ENTHD1: variants seen among roughly 807,000 people sequenced by gnomAD.
The protein encoded by ENTHD1 is ENTH domain containing 1.
Under a neutral mutation model 39.1 loss-of-function variants are expected in ENTHD1, and 23 were observed. The ratio of observed to expected loss-of-function variants is 0.59; its 90% CI spans 0.42 to 0.83. The LOEUF is 0.83. Among genes scored for constraint, ENTHD1 ranks in the 40% least tolerant of loss-of-function variants. The pLI is 0.00. For synonymous variants in ENTHD1, 230 were observed against 258.2 expected, an observed-to-expected ratio of 0.89 and a Z score of 1.05; for missense variants, 624 against 705.4, an observed-to-expected ratio of 0.88 and a Z score of 1.31.
At chr22:39,794,190 A>C (rs2065528041) in intron 5 of ENTHD1, among the ~76,000 whole-genome samples, 1 of 151,868 alleles carries the variant, frequency 6.6e-6, no homozygotes, top group Non-Finnish European at 1.5e-5. Flanking sequence ...TGGTTAAAAT[A>C]CTCCTAGGTA....
At chr22:39,768,241 G>C (rs1054572295) in intron 5 of ENTHD1, among the ~76,000 whole-genome samples, 1 of 152,036 alleles carries the variant, frequency 6.6e-6, no homozygotes, top group African/African-American at 2.4e-5. Context: ...TTCAAAAATT[G>C]CCTCTTGTGT....
intron 1 of ENTHD1, 111 bp downstream of exon 1, chr22:39,893,584 C>G (rs2066447074): frequency 6.6e-6 from 1 of 152,402 alleles, no homozygotes; most frequent in African/African-American, 2.4e-5. Flanking sequence ...GCCGCCCTCC[C>G]GCCCCCACCT....
intron 5 of ENTHD1, among the ~76,000 whole-genome samples, chr22:39,786,864 C>G (rs955338334): frequency 6.6e-6 from 1 of 152,190 alleles, no homozygotes; most frequent in African/African-American, 2.4e-5. Flanking sequence ...TCACAAATGA[C>G]AGGATTTTTT....
intron 5 of ENTHD1, among the ~76,000 whole-genome samples, chr22:39,776,172 C>A (rs774095318): frequency 6.6e-6 from 1 of 152,204 alleles, no homozygotes; most frequent in East Asian, 1.9e-4. Context: ...GGATTACTGG[C>A]ATGAGCCACC....
chr22:39,785,428 C>T (rs2065447807), intron 5 of ENTHD1, among the ~76,000 whole-genome samples: 1 of 152,238 alleles, frequency 6.6e-6, no homozygotes. Flanking sequence ...CTTTGATCTG[C>T]TTTGATCTTC....
chr22:39,744,842 C>T (rs1452876570), intron 6 of ENTHD1, among the ~76,000 whole-genome samples: 1 of 152,086 alleles, frequency 6.6e-6, no homozygotes, highest in South Asian at 2.1e-4. Flanking sequence ...CTTTAGCACA[C>T]GTATATAATC....
intron 3 of ENTHD1, among the ~76,000 whole-genome samples, chr22:39,849,969 T>C (rs963176022): frequency 6.6e-6 from 1 of 152,194 alleles, no homozygotes; most frequent in Non-Finnish European, 1.5e-5. Flanking sequence ...CTAAAAGAAA[T>C]AGTCCCACAT....
intron 2 of ENTHD1, among the ~76,000 whole-genome samples, chr22:39,871,420 A>C (rs1325690407): frequency 6.6e-6 from 1 of 152,184 alleles, no homozygotes; most frequent in Non-Finnish European, 1.5e-5. Context: ...CATTTTACCA[A>C]AGAGAAAAGT....
At chr22:39,829,315 C>G (rs2065848982) in intron 4 of ENTHD1, among the ~76,000 whole-genome samples, 1 of 145,932 alleles carries the variant, frequency 6.9e-6, no homozygotes, top group South Asian at 2.2e-4. Flanking sequence ...TAATGTAGAT[C>G]AATAACACTG....
chr22:39,834,212 G>GA (rs1169546903), intron 4 of ENTHD1, among the ~76,000 whole-genome samples: 3 of 151,998 alleles, frequency 2.0e-5, no homozygotes, highest in Non-Finnish European at 4.4e-5. Flanking sequence ...CAAACGGAGA[G>GA]AAAATATACA....
At chr22:39,824,799 C>T (rs2146656314) in intron 4 of ENTHD1, among the ~76,000 whole-genome samples, 1 of 152,326 alleles carries the variant, frequency 6.6e-6, no homozygotes, top group East Asian at 1.9e-4. Context: ...CAATACCGCA[C>T]TCTCTTGATT....
At chr22:39,800,645 C>T (rs2065591480) in intron 5 of ENTHD1, among the ~76,000 whole-genome samples, 1 of 152,222 alleles carries the variant, frequency 6.6e-6, no homozygotes, top group Admixed American at 6.5e-5. Flanking sequence ...TAGCATTTGC[C>T]TTCAGGCAAA....
intron 2 of ENTHD1, among the ~76,000 whole-genome samples, chr22:39,869,902 A>AT (rs1016673061): frequency 7.2e-5 from 11 of 152,004 alleles, no homozygotes; most frequent in Admixed American, 5.9e-4. Context: ...AGTCATTGAG[A>AT]TTTTTTTAAA....
chr22:39,832,127 C>T (rs2065873945), intron 4 of ENTHD1, among the ~76,000 whole-genome samples: 1 of 151,992 alleles, frequency 6.6e-6, no homozygotes. Context: ...AGACTAGCCT[C>T]GGCAATATAG....
chr22:39,824,645 C>A (rs2065812895), intron 4 of ENTHD1, among the ~76,000 whole-genome samples: 1 of 152,202 alleles, frequency 6.6e-6, no homozygotes, highest in Non-Finnish European at 1.5e-5. Context: ...ATGTCCAATG[C>A]TGTAGCACTA....
At chr22:39,765,162 A>G in intron 6 of ENTHD1, 61 bp downstream of exon 6, 1 of 1,441,788 alleles carries the variant, frequency 6.9e-7, no homozygotes, top group Non-Finnish European at 9.1e-7. Context: ...TAATGCTTCA[A>G]AAGAGGTTTT....
chr22:39,835,839 C>G lies in ENTHD1; in HGVS notation c.711+1G>C, dbSNP rs775299835. On this transcript the variant is annotated splice_donor_variant, in intron 4 of 6. Coordinates refer to ENST00000325157, the MANE Select transcript of ENTHD1 (RefSeq NM_152512.4). LOFTEE classifies it high-confidence loss of function. ...GCAGCTATAGGAAACTATAGACTTACCTCTGTTGATTTCCAACCATGAATC... is the reference window on the plus strand; with the variant it reads ...GCAGCTATAGGAAACTATAGACTTAGCTCTGTTGATTTCCAACCATGAATC... The G allele has an allele frequency of 1.9e-5, 31 of 1,601,848 alleles. No individual in the cohort carries two copies. Among genetic ancestry groups the G allele is most frequent in the Non-Finnish European group, 2.6e-5 (30 of 1,170,978 alleles).
At chr22:39,769,163 CA>C (rs2065302666) in intron 5 of ENTHD1, among the ~76,000 whole-genome samples, 1 of 151,820 alleles carries the variant, frequency 6.6e-6, no homozygotes, top group Non-Finnish European at 1.5e-5. Flanking sequence ...TGTAAGTTAC[CA>C]GTTCGATTTC....
intron 5 of ENTHD1, among the ~76,000 whole-genome samples, chr22:39,804,322 C>T (rs954521266): frequency 6.6e-6 from 1 of 151,696 alleles, no homozygotes; most frequent in Non-Finnish European, 1.5e-5. Context: ...CCTGTCTCTA[C>T]AAAAAAGTAA....
Sources: gnomAD v4.1 joint callset for allele counts (sites outside exome capture counted in the v4.1 genomes callset) on GRCh38, gnomAD v4.1.1 for gene constraint, MANE v1.5 for transcripts, NCBI Gene and HGNC (gene_info 2026-07-23, HGNC 2026-07-21) for gene names.